TTC29: variants seen among roughly 807,000 people sequenced by gnomAD.
The protein encoded by TTC29 is tetratricopeptide repeat domain 29.
Under a neutral mutation model 58.1 loss-of-function variants are expected in TTC29, and 49 were observed. The ratio of observed to expected loss-of-function variants is 0.84; its 90% CI spans 0.67 to 1.07. TTC29 has a LOEUF of 1.07. TTC29 is among the 50% of genes least tolerant of loss of function. The pLI, the probability that TTC29 is intolerant of heterozygous loss-of-function variation, is 0.00. For synonymous variants in TTC29, 209 were observed against 196.8 expected (o/e 1.06, Z -0.52); for missense variants, 582 against 555.6 (o/e 1.05, Z -0.48).
intron 11 of TTC29, among the ~76,000 whole-genome samples, chr4:146,721,091 T>A (rs2150005044): frequency 6.6e-6 from 1 of 152,296 alleles, no homozygotes; most frequent in South Asian, 2.1e-4. Context: ...ATGAGGTTTT[T>A]ATGTACAATT....
chr4:146,799,043 G>T (rs1750029530), intron 11 of TTC29, among the ~76,000 whole-genome samples: 1 of 152,066 alleles, frequency 6.6e-6, no homozygotes, highest in African/African-American at 2.4e-5. Flanking sequence ...GAAATCTTTT[G>T]CTGAAAGTCA....
rs751012340 is a variant in TTC29 at position 146,820,264 on chromosome 4, T to C, written c.978-16A>G. 6 of 1,607,530 alleles carry C rather than the reference T, an allele frequency of 3.7e-6. No homozygotes were observed. In the Admixed American group the frequency reaches 6.7e-5, roughly 18 times the overall value. Reference sequence around the variant, plus strand: ...CTCTCCTTGGCTAGAATGAATGAAATAGGAAGTCAATGGAGTATCATCTCA... The same window carrying C: ...CTCTCCTTGGCTAGAATGAATGAAACAGGAAGTCAATGGAGTATCATCTCA... On this transcript the variant is annotated splice_polypyrimidine_tract_variant and intron_variant, in intron 9 of 12. Coordinates refer to ENST00000325106, the MANE Select transcript of TTC29 (RefSeq NM_031956.4).
In TTC29 at chr4:146,733,316, T is replaced by A. The variant is rs1337677543; in HGVS notation, c.1331-25765A>T. On this transcript the variant is annotated intron_variant, in intron 11 of 12. Coordinates refer to ENST00000325106, the MANE Select transcript of TTC29 (RefSeq NM_031956.4). ...AGTATAGACATTACATGCTAAAGAA[T>A]TTAGCATAATATTTTGATTAATTTT... 2.6e-5 allele frequency among the ~76,000 whole-genome samples: 4 copies of A among 152,108 alleles called. No individual in the cohort carries two copies. In the South Asian group the frequency reaches 8.3e-4, roughly 32 times the overall value.
At chr4:146,834,714 G>A (rs942069365) in intron 8 of TTC29, among the ~76,000 whole-genome samples, 1 of 152,126 alleles carries the variant, frequency 6.6e-6, no homozygotes, top group Non-Finnish European at 1.5e-5. Flanking sequence ...TCATTTGACG[G>A]CATTTGGAAG....
At position 146,941,662 on chromosome 4, in the gene TTC29, C is replaced by T. The variant is rs548505353; in HGVS notation, c.-6-1761G>A. On this transcript the variant is annotated intron_variant, in intron 2 of 12. Coordinates refer to ENST00000325106, the MANE Select transcript of TTC29 (RefSeq NM_031956.4). ...GTTATGGAGAATTTTGTTCGGTGTCCCAATAGTGTAATGTCTTGATGGTTA... is the reference window on the plus strand; with the variant it reads ...GTTATGGAGAATTTTGTTCGGTGTCTCAATAGTGTAATGTCTTGATGGTTA... Among the ~76,000 whole-genome samples the T allele has an allele frequency of 4.6e-5, 7 of 152,134 alleles. 1 individual carries two copies. The South Asian group carries it at 1.5e-3, about 32-fold the overall frequency.
At chr4:146,920,661 A>G (rs1734519513) in intron 4 of TTC29, among the ~76,000 whole-genome samples, 2 of 151,148 alleles carry the variant, frequency 1.3e-5, no homozygotes, top group Non-Finnish European at 3.0e-5. Flanking sequence ...TTACAAATCA[A>G]TCATTGGTAC....
At chr4:146,773,220 G>T (rs1402194317) in intron 11 of TTC29, among the ~76,000 whole-genome samples, 2 of 152,016 alleles carry the variant, frequency 1.3e-5, no homozygotes, top group African/African-American at 4.8e-5. Context: ...TCTTTCTCTT[G>T]CCCTATTGCT....
intron 4 of TTC29, among the ~76,000 whole-genome samples, chr4:146,913,065 G>A (rs192256794): frequency 1.2e-4 from 18 of 152,234 alleles, no homozygotes; most frequent in Non-Finnish European, 2.5e-4. Context: ...GGACCTCCAC[G>A]TGTTACCCTA....
At chr4:146,759,114 C>T (rs558522540) in intron 11 of TTC29, among the ~76,000 whole-genome samples, 3 of 152,086 alleles carry the variant, frequency 2.0e-5, no homozygotes, top group East Asian at 1.9e-4. Context: ...AGAGAAAATC[C>T]ATATAATCTC....
At chr4:146,812,061 C>A (rs568780088) in intron 10 of TTC29, among the ~76,000 whole-genome samples, 2 of 152,042 alleles carry the variant, frequency 1.3e-5, no homozygotes, top group East Asian at 3.9e-4. Flanking sequence ...AAAACTGTAT[C>A]AAAGATATTT....
Position 146,813,239 on chromosome 4 carries a change from G to A in TTC29, c.1101+6886C>T, listed in dbSNP as rs138016570. ...TACCCATTTTCCCTATAATTTTAGC[G>A]TTGGAACCACCATTCTTTTTAACTA... is the stretch of plus-strand genomic sequence containing the variant. On this transcript the variant is annotated intron_variant, in intron 10 of 12. Coordinates refer to ENST00000325106, the MANE Select transcript of TTC29 (RefSeq NM_031956.4). Among the ~76,000 whole-genome samples, 719 of 152,210 alleles carry A rather than the reference G, an allele frequency of 4.7e-3. 5 individuals carry two copies. The highest frequency in any genetic ancestry group is 0.016 in the African/African-American group (646 of 41,526).
At chr4:146,939,362 C>T (rs761979564) in intron 3 of TTC29, among the ~76,000 whole-genome samples, 13 of 151,970 alleles carry the variant, frequency 8.6e-5, no homozygotes, top group Non-Finnish European at 1.5e-5. Context: ...GGCTGAGGCA[C>T]GATAATTGCT....
intron 6 of TTC29, among the ~76,000 whole-genome samples, chr4:146,893,021 A>C (rs1288760795): frequency 6.6e-6 from 1 of 152,190 alleles, no homozygotes; most frequent in African/African-American, 2.4e-5. Context: ...CTGCTCAATG[A>C]AATAAAAGAG....
intron 11 of TTC29, among the ~76,000 whole-genome samples, chr4:146,731,910 T>C (rs1333161312): frequency 6.6e-6 from 1 of 152,216 alleles, no homozygotes; most frequent in African/African-American, 2.4e-5. Flanking sequence ...TTGTAGCTGC[T>C]GCCACATTGT....
At chr4:146,780,302 G>GGTGT (rs57951745) in intron 11 of TTC29, among the ~76,000 whole-genome samples, 11,482 of 138,340 alleles carry the variant, frequency 0.083, 591 homozygotes, top group African/African-American at 0.15. Context: ...CCTAACTTGG[G>GGTGT]GTGTGTGTGT....
At chr4:146,887,416 T>C (rs1732059430) in intron 6 of TTC29, among the ~76,000 whole-genome samples, 1 of 152,114 alleles carries the variant, frequency 6.6e-6, no homozygotes, top group Non-Finnish European at 1.5e-5. Flanking sequence ...TTAAATCAGT[T>C]TGAAAATCAT....
chr4:146,892,281 C>T (rs1200690012), intron 6 of TTC29, among the ~76,000 whole-genome samples: 3 of 152,150 alleles, frequency 2.0e-5, no homozygotes, highest in African/African-American at 7.2e-5. Context: ...TTCCTGAGGC[C>T]ACCACAGCCA....
chr4:146,942,018 A>C (rs1194125456), intron 2 of TTC29, among the ~76,000 whole-genome samples: 2 of 152,250 alleles, frequency 1.3e-5, no homozygotes, highest in Non-Finnish European at 2.9e-5. Context: ...CACTAAGACG[A>C]GAGAAAATCT....
At chr4:146,852,076 C>T (rs1010923331) in intron 8 of TTC29, among the ~76,000 whole-genome samples, 7 of 152,188 alleles carry the variant, frequency 4.6e-5, no homozygotes, top group Non-Finnish European at 1.0e-4. Context: ...GCTGGGACTA[C>T]AGGGGTAAGC....
Sources: allele counts gnomAD v4.1 joint callset (sites outside exome capture counted in the v4.1 genomes callset), GRCh38; gene constraint gnomAD v4.1.1; transcripts MANE v1.5; gene names NCBI Gene and HGNC (gene_info 2026-07-23, HGNC 2026-07-21).